Variants in APBA2 observed in about 807,000 individuals in gnomAD.
APBA2 encodes the protein amyloid beta precursor protein binding family A member 2.
Under a neutral mutation model 75.0 loss-of-function variants are expected in APBA2, and 30 were observed. The observed-to-expected ratio is 0.40, with a 90% CI of 0.30 to 0.54. APBA2 has a LOEUF of 0.54. Among genes scored for constraint, APBA2 ranks in the 20% least tolerant of loss-of-function variants. APBA2 has a pLI of 0.49. For missense variants in APBA2, 801 were observed against 1,016.1 expected (o/e 0.79, Z 2.88); for synonymous variants, 444 against 409.6 (o/e 1.08, Z -1.01).
At chr15:28,912,090 G>A (rs2033456442) in intron 1 of APBA2, among the ~76,000 whole-genome samples, 1 of 152,014 alleles carries the variant, frequency 6.6e-6, no homozygotes, top group Non-Finnish European at 1.5e-5. Flanking sequence ...CCCTCTAATA[G>A]CATACGTGCT....
intron 2 of APBA2, among the ~76,000 whole-genome samples, chr15:28,922,760 C>A (rs1352163364): frequency 6.6e-6 from 1 of 152,220 alleles, no homozygotes; most frequent in Non-Finnish European, 1.5e-5. Flanking sequence ...ACATCCTAAC[C>A]TGCCCAGCCT....
intron 3 of APBA2, among the ~76,000 whole-genome samples, chr15:29,047,909 AT>A (rs2041415887): frequency 6.6e-6 from 1 of 152,224 alleles, no homozygotes; most frequent in Non-Finnish European, 1.5e-5. Flanking sequence ...AGCCACAGAA[AT>A]ATTATATTTA....
intron 3 of APBA2, among the ~76,000 whole-genome samples, chr15:29,008,171 G>A (rs1055680511): frequency 6.6e-6 from 1 of 152,168 alleles, no homozygotes; most frequent in South Asian, 2.1e-4. Context: ...CTGACATGAG[G>A]TACTCAGAAT....
chr15:28,886,738 C>T (rs2031761339), intron 1 of APBA2, among the ~76,000 whole-genome samples: 1 of 152,198 alleles, frequency 6.6e-6, no homozygotes, highest in Non-Finnish European at 1.5e-5. Flanking sequence ...GAACCCAAGC[C>T]CAGATCTTCG....
intron 4 of APBA2, among the ~76,000 whole-genome samples, chr15:29,056,602 C>CTTCCTTCCT (rs1219021974): frequency 0.038 from 96 of 2,544 alleles, 5 homozygotes; most frequent in African/African-American, 0.063. Context: ...CCCTCCCTCC[C>CTTCCTTCCT]TCCCTCCCTC....
intron 3 of APBA2, 49 bp from the exon 4 acceptor site, chr15:29,053,796 G>A: frequency 6.6e-6 from 8 of 1,220,550 alleles, no homozygotes; most frequent in Non-Finnish European, 9.2e-6. Flanking sequence ...ACACATGGCT[G>A]GGCTTTGTGG....
At chr15:29,070,839 A>G (rs894902548) in intron 4 of APBA2, 2 of 327,794 alleles carry the variant, frequency 6.1e-6, no homozygotes, top group African/African-American at 4.4e-5. Context: ...TCAGATGAGT[A>G]GGGATGATCG....
At chr15:29,113,837 G>A in intron 13 of APBA2, 39 bp from the exon 14 acceptor site, 1 of 1,569,326 alleles carries the variant, frequency 6.4e-7, no homozygotes, top group South Asian at 1.2e-5. Flanking sequence ...TGTCGGGTGT[G>A]GCGGGAACAC....
intron 3 of APBA2, among the ~76,000 whole-genome samples, chr15:28,998,301 T>C (rs901487167): frequency 6.6e-6 from 1 of 151,614 alleles, no homozygotes; most frequent in Non-Finnish European, 1.5e-5. Flanking sequence ...TAATGAAATA[T>C]ATAAAATCAG....
At chr15:28,980,857 CGAGTA>C (rs1566868716) in intron 2 of APBA2, among the ~76,000 whole-genome samples, 1 of 152,162 alleles carries the variant, frequency 6.6e-6, no homozygotes, top group African/African-American at 2.4e-5. Flanking sequence ...GCAGTGGAAC[CGAGTA>C]GAGAACCCAG....
intron 1 of APBA2, among the ~76,000 whole-genome samples, chr15:28,899,936 CAGT>C (rs898132540): frequency 1.3e-5 from 2 of 152,134 alleles, no homozygotes; most frequent in Admixed American, 6.5e-5. Context: ...CTTTGCGACA[CAGT>C]GGTGTGAAGT....
chr15:29,101,837 G>A (rs764862473), intron 10 of APBA2, 53 bp downstream of exon 10: 12 of 1,580,782 alleles, frequency 7.6e-6, no homozygotes, highest in African/African-American at 4.0e-5. Flanking sequence ...AGCCCAGGGC[G>A]GCTCCAGGAT....
At chr15:29,024,198 C>T (rs993918945) in intron 3 of APBA2, among the ~76,000 whole-genome samples, 6 of 152,248 alleles carry the variant, frequency 3.9e-5, no homozygotes, top group South Asian at 4.2e-4. Flanking sequence ...GCCACTGTGC[C>T]CGGCCTTTTT....
intron 3 of APBA2, among the ~76,000 whole-genome samples, chr15:29,012,122 C>T (rs1310283756): frequency 6.6e-6 from 1 of 152,148 alleles, no homozygotes; most frequent in Non-Finnish European, 1.5e-5. Context: ...GAACCAGTGC[C>T]AATGCATTAT....
At chr15:28,924,902 C>G (rs1387579057) in intron 2 of APBA2, among the ~76,000 whole-genome samples, 1 of 152,134 alleles carries the variant, frequency 6.6e-6, no homozygotes, top group African/African-American at 2.4e-5. Flanking sequence ...CTCATTTTCC[C>G]CCATCCTAGC....
intron 3 of APBA2, among the ~76,000 whole-genome samples, chr15:29,021,690 A>C (rs892484785): frequency 1.3e-5 from 2 of 152,082 alleles, no homozygotes; most frequent in African/African-American, 4.8e-5. Context: ...CAGATTTTTA[A>C]CTGTACAATA....
In APBA2 at chr15:29,117,185, C is replaced by T. The variant is rs549035389; in HGVS notation, c.*52C>T. ...GGACACCGGGCAGGGCCGCCCGGGC[C>T]CAGAGGAGCTGGGAGCCGGGCCGCA... On this transcript the variant is annotated 3_prime_UTR_variant, in exon 15 of 15. Coordinates refer to ENST00000683413, the MANE Select transcript of APBA2 (RefSeq NM_001353788.2). 1 of 1,573,506 alleles carries T rather than the reference C, an allele frequency of 6.4e-7. No homozygotes were observed. The highest frequency in any genetic ancestry group is 1.1e-5 in the South Asian group (1 of 90,316).
intron 2 of APBA2, among the ~76,000 whole-genome samples, chr15:28,922,581 C>T (rs1011802453): frequency 2.0e-5 from 3 of 152,166 alleles, no homozygotes; most frequent in African/African-American, 7.2e-5. Context: ...CAGCCATGCT[C>T]TGTCCTTTAG....
intron 2 of APBA2, among the ~76,000 whole-genome samples, chr15:28,979,631 C>G (rs991255376): frequency 1.3e-5 from 2 of 152,200 alleles, no homozygotes; most frequent in Non-Finnish European, 2.9e-5. Flanking sequence ...CCCCTGGCCC[C>G]TTTCTGGCCT....
Sources: gnomAD v4.1 joint callset for allele counts (sites outside exome capture counted in the v4.1 genomes callset) on GRCh38, gnomAD v4.1.1 for gene constraint, MANE v1.5 for transcripts, NCBI Gene and HGNC (gene_info 2026-07-23, HGNC 2026-07-21) for gene names.